ZNF865: variants seen among roughly 807,000 people sequenced by gnomAD.
The protein encoded by ZNF865 is zinc finger protein 865.
For missense variants in ZNF865, 1,311 were observed against 1,593.4 expected (o/e 0.82, Z 3.02); for synonymous variants, 763 against 750.8 (o/e 1.02, Z -0.27).
At chr19:55,606,144 A>C (rs1980932326) in intron 1 of ZNF865, among the ~76,000 whole-genome samples, 1 of 151,966 alleles carries the variant, frequency 6.6e-6, no homozygotes. Flanking sequence ...AATTCTCCCC[A>C]GAGTGTTTCC....
chr19:55,612,189 T>C (rs765241568), intron 1 of ZNF865, among the ~76,000 whole-genome samples: 100 of 152,150 alleles, frequency 6.6e-4, no homozygotes, highest in Non-Finnish European at 1.4e-3. Context: ...CCCTGTTGAA[T>C]CTCCCTGCGG....
At position 55,616,795 on chromosome 19, in the gene ZNF865, C is replaced by G; in HGVS notation, c.3177C>G (p.Ala1059=). The change falls in exon 2 of 2, where the codon GCC becomes GCG. Residue 1059 remains alanine (A), a synonymous_variant. Coordinates refer to ENST00000568956, the MANE Select transcript of ZNF865 (RefSeq NM_001195605.2). ...AGAGTLAGKD[A] ...CGGGCACCTTGGCCGGGAAGGATGCCTGACCGAGGGGTTCCCATCCCACTC... is the reference window on the plus strand; with the variant it reads ...CGGGCACCTTGGCCGGGAAGGATGCGTGACCGAGGGGTTCCCATCCCACTC... 6.9e-7 allele frequency: 1 copy of G among 1,442,144 alleles called. No homozygotes were observed. Among genetic ancestry groups the G allele is most frequent in the Non-Finnish European group, 9.1e-7 (1 of 1,102,926 alleles). The allele number at this position is 1,442,144 out of a possible 1,614,324, so 89.3% of individuals were successfully genotyped here.
chr19:55,608,082 G>A (rs1981004455), intron 1 of ZNF865, among the ~76,000 whole-genome samples: 1 of 152,178 alleles, frequency 6.6e-6, no homozygotes, highest in African/African-American at 2.4e-5. Flanking sequence ...GCAGGGTTAG[G>A]GAGATGAGGA....
In ZNF865 at chr19:55,615,692, A is replaced by G. The variant is rs1472751057; in HGVS notation, c.2074A>G (p.Met692Val). Residue 692 changes from methionine to valine, a missense_variant, in exon 2 of 2, where the codon ATG (methionine) becomes GTG (valine). Physicochemically the swap from Met to Val is conservative, Grantham distance 21 (BLOSUM62 1). Transcript: ENST00000568956. ...CGTCATGAGTCACAAGGAGGTCCAC[A>G]TGGCAGAGAAGCCATACGGCTGCGA... ...FHVMSHKEVHMAEKPYGCDAC... is the reference protein window; with the variant it reads ...FHVMSHKEVHVAEKPYGCDAC... 3.9e-6 allele frequency: 6 copies of G among 1,534,448 alleles called. No homozygotes were observed. Among genetic ancestry groups the G allele is most frequent in the South Asian group, 3.6e-5 (3 of 83,950 alleles).
rs1179473711 is a variant in ZNF865 at position 55,613,924 on chromosome 19, CTCCTCT to C, written c.309_314del (p.Ser116_Ser117del). 2.6e-6 allele frequency: 4 copies of C among 1,528,192 alleles called. No homozygotes were observed. Among genetic ancestry groups the C allele is most frequent in the Non-Finnish European group, 3.5e-6 (4 of 1,140,520 alleles). 94.7% of individuals were successfully genotyped at this position (1,528,192 alleles called of 1,614,324 possible). On this transcript the variant is annotated inframe_deletion, in exon 2 of 2. Coordinates refer to ENST00000568956, the MANE Select transcript of ZNF865 (RefSeq NM_001195605.2). ...CGTCCTCGTCCTCGTCCTCCTCCTCCTCCTCTTCGTCCTCCTCGTCGTCATCTTCGT... is the reference window on the plus strand; with the variant it reads ...CGTCCTCGTCCTCGTCCTCCTCCTCCTCGTCCTCCTCGTCGTCATCTTCGT...
chr19:55,608,429 C>G (rs905275785), intron 1 of ZNF865, among the ~76,000 whole-genome samples: 14 of 151,948 alleles, frequency 9.2e-5, no homozygotes, highest in African/African-American at 2.9e-4. Context: ...ATTCTCCTGC[C>G]TCAGCCTCCC....
In ZNF865 at chr19:55,615,198, C is replaced by G. The variant is rs1375030344; in HGVS notation, c.1580C>G (p.Pro527Arg). ...CCCGTCCCGCTCCTGGGCGCCCACC[C>G]GCTGCTGCTCGGCGGCGCGGGGACC... ...AVPVPLLGAHPLLLGGAGTSG... is the reference protein window; with the variant it reads ...AVPVPLLGAHRLLLGGAGTSG... The change falls in exon 2 of 2, where the codon CCG becomes CGG. Residue 527 changes from proline to arginine, a missense_variant. Coordinates refer to ENST00000568956, the MANE Select transcript of ZNF865 (RefSeq NM_001195605.2). The G allele has an allele frequency of 1.4e-6, 2 of 1,419,492 alleles. No individual in the cohort carries two copies. The highest frequency in any genetic ancestry group is 1.8e-6 in the Non-Finnish European group (2 of 1,098,522). 87.9% of individuals were successfully genotyped at this position (1,419,492 alleles called of 1,614,324 possible).
chr19:55,614,522 A>G lies in ZNF865; in HGVS notation c.904A>G (p.Ser302Gly). The G allele has an allele frequency of 5.6e-6, 7 of 1,250,230 alleles. No homozygotes were observed. The highest frequency in any genetic ancestry group is 5.8e-4 in the Middle Eastern group (2 of 3,442). 77.4% of individuals were successfully genotyped at this position (1,250,230 alleles called of 1,614,324 possible). A position where few individuals can be genotyped will look rare whatever the true frequency, so the allele number is the denominator to read the frequency against. ...GCTGGGCCTCCCAGCACCCGCTGCC[A>G]GCGCCGCCACCGCCGCCGCCCCCTC... ...PPLGLPAPAA[S>G]AATAAAPSTV... Residue 302 changes from serine (S) to glycine (G), a missense_variant, in exon 2 of 2, where the codon AGC becomes GGC. Ser to Gly is a moderately conservative substitution (Grantham distance 56). Coordinates refer to ENST00000568956, the MANE Select transcript of ZNF865 (RefSeq NM_001195605.2). This position sits in a 1 kb window ranked among gnomAD's most constrained non-coding sequence, Gnocchi z 8.0.
At chr19:55,606,333 T>C (rs1251255675) in intron 1 of ZNF865, among the ~76,000 whole-genome samples, 2 of 151,832 alleles carry the variant, frequency 1.3e-5, no homozygotes, top group Non-Finnish European at 2.9e-5. Flanking sequence ...GTGATTCCCC[T>C]TAAGAATGCC....
chr19:55,614,122 G>T lies in ZNF865; in HGVS notation c.504G>T (p.Ala168=). 7.0e-7 allele frequency: 1 copy of T among 1,428,548 alleles called. No homozygotes were observed. The highest frequency in any genetic ancestry group is 1.5e-5 in the South Asian group (1 of 66,588). The allele number at this position is 1,428,548 out of a possible 1,614,324, so 88.5% of individuals were successfully genotyped here. A position where few individuals can be genotyped will look rare whatever the true frequency, so the allele number is the denominator to read the frequency against. ...GGAACCTGAAGCGAGGAGGGCCCGC[G>T]TCCGGGCCGGGGGTGACGCCTGGGC... The part of the protein sequence containing the change: ...LFGNLKRGGP[A]SGPGVTPGLG... Residue 168 remains alanine, a synonymous_variant, in exon 2 of 2, where the codon GCG becomes GCT. Transcript: ENST00000568956. The surrounding 1 kb of genome is among the most constrained non-coding windows in gnomAD (Gnocchi z 8.0).
Position 55,614,479 on chromosome 19 carries a change from C to G in ZNF865, c.861C>G (p.Pro287=). The change falls in exon 2 of 2, where the codon CCC becomes CCG. Residue 287 remains proline, a synonymous_variant. Coordinates refer to ENST00000568956, the MANE Select transcript of ZNF865 (RefSeq NM_001195605.2). The surrounding 1 kb of genome is among the most constrained non-coding windows in gnomAD (Gnocchi z 8.0). ...CGGCCGCGGGGGGCCCGCCCCAGCC[C>G]GGCCCCCACCTCCCGCCGCTGGGCC... The part of the protein sequence containing the change: ...VPPAAGGPPQ[P]GPHLPPLGLP... The G allele has an allele frequency of 1.5e-6, 2 of 1,372,580 alleles. No homozygotes were observed. Among genetic ancestry groups the G allele is most frequent in the Admixed American group, 6.7e-5 (2 of 29,750 alleles). The allele number at this position is 1,372,580 out of a possible 1,614,324, so 85.0% of individuals were successfully genotyped here.
Position 55,615,517 on chromosome 19 carries a change from C to G in ZNF865, c.1899C>G (p.Pro633=). Residue 633 remains proline, a synonymous_variant, in exon 2 of 2, where the codon CCC becomes CCG. Coordinates refer to ENST00000568956, the MANE Select transcript of ZNF865 (RefSeq NM_001195605.2). ...GCCAGGTGCACCGGCTCCAGCTGCCCTGCGCCCTGGCCGGGGCAGCCGGCC... is the reference window on the plus strand; with the variant it reads ...GCCAGGTGCACCGGCTCCAGCTGCCGTGCGCCCTGGCCGGGGCAGCCGGCC... ...RHRQVHRLQL[P]CALAGAAGLP... is the part of the protein sequence containing the mutation. 6.6e-7 allele frequency: 1 copy of G among 1,508,902 alleles called. No homozygotes were observed. Among genetic ancestry groups the G allele is most frequent in the South Asian group, 1.2e-5 (1 of 80,368 alleles). 93.5% of individuals were successfully genotyped at this position (1,508,902 alleles called of 1,614,324 possible).
In ZNF865 at chr19:55,614,652, G is replaced by A. The variant is rs1311543572; in HGVS notation, c.1034G>A (p.Gly345Asp). ...GVGVPPPATG[G>D]GDGPFACPLC... Reference sequence around the variant, plus strand: ...GGGGTGCCCCCTCCTGCCACCGGGGGTGGCGATGGCCCGTTCGCCTGCCCA... The same window carrying A: ...GGGGTGCCCCCTCCTGCCACCGGGGATGGCGATGGCCCGTTCGCCTGCCCA... Residue 345 changes from glycine (G) to aspartate (D), a missense_variant, in exon 2 of 2, where the codon GGT (glycine) becomes GAT (aspartate). By Grantham distance (94) the Gly-to-Asp change is moderately conservative. Transcript: ENST00000568956. The surrounding 1 kb of genome is among the most constrained non-coding windows in gnomAD (Gnocchi z 8.0). The A allele has an allele frequency of 1.3e-6, 2 of 1,538,696 alleles. No homozygotes were observed. The highest frequency in any genetic ancestry group is 8.7e-7 in the Non-Finnish European group (1 of 1,149,808).
chr19:55,616,851 T>G lies in ZNF865; in HGVS notation c.*53T>G. 7.1e-7 allele frequency: 1 copy of G among 1,411,818 alleles called. No individual in the cohort carries two copies. The highest frequency in any genetic ancestry group is 1.5e-5 in the African/African-American group (1 of 68,298). 87.5% of individuals were successfully genotyped at this position (1,411,818 alleles called of 1,614,324 possible). On this transcript the variant is annotated 3_prime_UTR_variant, in exon 2 of 2. Coordinates refer to ENST00000568956, the MANE Select transcript of ZNF865 (RefSeq NM_001195605.2). ...AAAAGCCCCCTTCTGGACTCCCACC[T>G]CCCAGGACTGATCAGACTCTTCCCC...
At position 55,617,047 on chromosome 19, in the gene ZNF865, A is replaced by G. The variant is rs1041372653; in HGVS notation, c.*249A>G. 2 of 406,754 alleles carry G rather than the reference A, an allele frequency of 4.9e-6. No homozygotes were observed. The highest frequency in any genetic ancestry group is 8.6e-6 in the Non-Finnish European group (2 of 232,130). The allele number at this position is 406,754 out of a possible 1,614,324, so 25.2% of individuals were successfully genotyped here. On this transcript the variant is annotated 3_prime_UTR_variant, in exon 2 of 2. Coordinates refer to ENST00000568956, the MANE Select transcript of ZNF865 (RefSeq NM_001195605.2). ...CGTCCAACCCTCGTTTGTGACCCGC[A>G]TCAGCCCCCGCCCCAGCAGCACTCT...
intron 1 of ZNF865, among the ~76,000 whole-genome samples, chr19:55,607,893 A>G (rs972138621): frequency 6.6e-6 from 1 of 152,170 alleles, no homozygotes; most frequent in African/African-American, 2.4e-5. Flanking sequence ...CACTTCTTCA[A>G]ACAAAAATGT....
At position 55,614,801 on chromosome 19, in the gene ZNF865, C is replaced by A; in HGVS notation, c.1183C>A (p.Arg395Ser). ...CTTCAACCGCAGGGAGAGTCTGAAG[C>A]GCCACGTGAAGACGCACTCGGCCGA... ...KSFNRRESLK[R>S]HVKTHSADLL... The change falls in exon 2 of 2, where the codon CGC (arginine) becomes AGC (serine). Residue 395 changes from arginine to serine, a missense_variant. Arg to Ser is a moderately radical substitution (Grantham distance 110). Transcript: ENST00000568956. The surrounding 1 kb of genome is among the most constrained non-coding windows in gnomAD (Gnocchi z 8.0). The A allele has an allele frequency of 1.3e-6, 2 of 1,550,864 alleles. No homozygotes were observed. The highest frequency in any genetic ancestry group is 1.2e-5 in the South Asian group (1 of 84,926).
rs775752854 is a variant in ZNF865, at chr19:55,614,135, G to A, written c.517G>A (p.Val173Met). ...KRGGPASGPG[V>M]TPGLGAPAGA... ...AGGAGGGCCCGCGTCCGGGCCGGGG[G>A]TGACGCCTGGGCTGGGCGCTCCCGC... The change falls in exon 2 of 2, where the codon GTG (valine) becomes ATG (methionine). Residue 173 changes from valine to methionine, a missense_variant. Transcript: ENST00000568956. The surrounding 1 kb of genome is among the most constrained non-coding windows in gnomAD (Gnocchi z 8.0). The A allele has an allele frequency of 1.0e-5, 15 of 1,436,344 alleles. No homozygotes were observed. In the South Asian group the frequency reaches 1.9e-4, roughly 18 times the overall value. The allele number at this position is 1,436,344 out of a possible 1,614,324, so 89.0% of individuals were successfully genotyped here. A position where few individuals can be genotyped will look rare whatever the true frequency, so the allele number is the denominator to read the frequency against.
rs1600015404 is a variant in ZNF865 at position 55,615,847 on chromosome 19, G to T, written c.2229G>T (p.Thr743=). ...GLQPPDGSSG[T]DAASVLDNGL... ...AGCCCCCGGACGGCTCCAGCGGCAC[G>T]GATGCGGCCAGCGTGCTGGACAACG... Residue 743 remains threonine (T), a synonymous_variant, in exon 2 of 2, where the codon ACG becomes ACT. Transcript: ENST00000568956. 3.3e-6 allele frequency: 5 copies of T among 1,496,400 alleles called. No homozygotes were observed. In the East Asian group the frequency reaches 1.3e-4, roughly 39 times the overall value. The allele number at this position is 1,496,400 out of a possible 1,614,324, so 92.7% of individuals were successfully genotyped here. A position where few individuals can be genotyped will look rare whatever the true frequency, so the allele number is the denominator to read the frequency against.
Sources: gnomAD v4.1 joint callset for allele counts (sites outside exome capture counted in the v4.1 genomes callset) on GRCh38, gnomAD v4.1.1 for gene constraint, Gnocchi (gnomAD v3.1) non-coding constraint, MANE v1.5 for transcripts, NCBI Gene and HGNC (gene_info 2026-07-23, HGNC 2026-07-21) for gene names.